The following SPECC1L variants were observed in gnomAD, a reference collection of about 807,000 sequenced individuals.
The protein encoded by SPECC1L is sperm antigen with calponin homology and coiled-coil domains 1 like.
Under a neutral mutation model 116.8 loss-of-function variants are expected in SPECC1L, and 40 were observed. The observed-to-expected ratio is 0.34, with a 90% CI of 0.27 to 0.45. The LOEUF (loss-of-function observed/expected upper bound fraction) is 0.45. SPECC1L is among the 20% of genes least tolerant of loss of function. SPECC1L has a pLI of 1.00. For synonymous variants in SPECC1L, 504 were observed against 500.6 expected, an observed-to-expected ratio of 1.01 and a Z score of -0.09; for missense variants, 1,110 against 1,373.6, an observed-to-expected ratio of 0.81 and a Z score of 3.03.
At chr22:24,332,355 GAACC>G (rs1001032315) in intron 8 of SPECC1L, among the ~76,000 whole-genome samples, 5 of 152,294 alleles carry the variant, frequency 3.3e-5, no homozygotes, top group Admixed American at 6.5e-5. Flanking sequence ...CTAATTCAGT[GAACC>G]AGTATTTTCC....
intron 4 of SPECC1L, among the ~76,000 whole-genome samples, chr22:24,315,590 G>A (rs2040546530): frequency 6.6e-6 from 1 of 152,250 alleles, no homozygotes. Flanking sequence ...CCTGCCTTTA[G>A]AATTGTACTG....
chr22:24,377,739 C>A (rs961665613), intron 14 of SPECC1L, among the ~76,000 whole-genome samples: 2 of 152,140 alleles, frequency 1.3e-5, no homozygotes, highest in African/African-American at 4.8e-5. Context: ...TCCTGGCTGA[C>A]TGGTTACATT....
chr22:24,415,970 A>C lies in SPECC1L; in HGVS notation c.*1347A>C, dbSNP rs2042793954. Reference sequence around the variant, plus strand: ...TCCAGACAAGACCTGTACCTTTGAGAATATAACTGTGTTTGGCACCTGCAT... The same window carrying C: ...TCCAGACAAGACCTGTACCTTTGAGCATATAACTGTGTTTGGCACCTGCAT... On this transcript the variant is annotated 3_prime_UTR_variant, in exon 17 of 17. Coordinates refer to ENST00000314328, the MANE Select transcript of SPECC1L (RefSeq NM_015330.6). The C allele has an allele frequency of 6.6e-6, 1 of 152,214 alleles. No individual in the cohort carries two copies. Among genetic ancestry groups the C allele is most frequent in the Non-Finnish European group, 1.5e-5 (1 of 68,030 alleles). 9.4% of individuals were successfully genotyped at this position (152,214 alleles called of 1,614,324 possible).
chr22:24,306,027 T>A (rs1381074052), intron 3 of SPECC1L, among the ~76,000 whole-genome samples: 2 of 151,978 alleles, frequency 1.3e-5, no homozygotes, highest in Admixed American at 6.6e-5. Context: ...TGCCTCAGCC[T>A]CCCGAGTAGC....
At chr22:24,300,043 A>G (rs1313593197) in intron 2 of SPECC1L, among the ~76,000 whole-genome samples, 1 of 152,180 alleles carries the variant, frequency 6.6e-6, no homozygotes, top group East Asian at 1.9e-4. Context: ...AACAAGATAC[A>G]TGTGCAGAAC....
Position 24,334,321 on chromosome 22 carries a change from A to T in SPECC1L, c.2397-89A>T, listed in dbSNP as rs562837315. 4 of 1,409,712 alleles carry T rather than the reference A, an allele frequency of 2.8e-6. No individual in the cohort carries two copies. The African/African-American group carries it at 5.6e-5, about 20-fold the overall frequency. 87.3% of individuals were successfully genotyped at this position (1,409,712 alleles called of 1,614,324 possible). On this transcript the variant is annotated intron_variant, in intron 8 of 16. Transcript: ENST00000314328. Reference sequence around the variant, plus strand: ...GCCACCGTGCCCGGCCATTAAACTGATAGTTTTTAATGCCTTTCAGCTGGG... The same window carrying T: ...GCCACCGTGCCCGGCCATTAAACTGTTAGTTTTTAATGCCTTTCAGCTGGG...
rs56978503 is a variant in SPECC1L at position 24,279,570 on chromosome 22, A to AATTATTATTATT, written c.-38+2774_-38+2785dup. Among the ~76,000 whole-genome samples the AATTATTATTATT allele has an allele frequency of 8.8e-3, 1,320 of 150,540 alleles. 7 individuals carry two copies. Among genetic ancestry groups the AATTATTATTATT allele is most frequent in the South Asian group, 0.012 (59 of 4,774 alleles). ...TTAGAAATGTACATTTTATTTTTTT[A>AATTATTATTATT]ATTATTATTATTATTATTTATTATT... On this transcript the variant is annotated intron_variant, in intron 2 of 16. Transcript: ENST00000314328.
chr22:24,343,991 A>G (rs555328580), intron 10 of SPECC1L, among the ~76,000 whole-genome samples: 1 of 152,122 alleles, frequency 6.6e-6, no homozygotes, highest in South Asian at 2.1e-4. Flanking sequence ...CACATAGAAA[A>G]CTCCAGGCCC....
chr22:24,355,234 G>A (rs1190302551), intron 11 of SPECC1L, among the ~76,000 whole-genome samples: 1 of 137,646 alleles, frequency 7.3e-6, no homozygotes, highest in African/African-American at 2.7e-5. Context: ...AATGAGCCAG[G>A]ATCGTGCCAC....
At chr22:24,357,454 C>T (rs1453050432) in intron 11 of SPECC1L, among the ~76,000 whole-genome samples, 1 of 152,132 alleles carries the variant, frequency 6.6e-6, no homozygotes, top group Non-Finnish European at 1.5e-5. Context: ...TAGATAGTTC[C>T]AACATCCGTA....
Position 24,403,638 on chromosome 22 carries a change from G to A in SPECC1L, c.3088-7950G>A, listed in dbSNP as rs543393128. ...TCCAGCCCCTCCGCTCTTCAGCAAA[G>A]TGTAAATGGCCTTCCCTCAGAGGGA... On this transcript the variant is annotated intron_variant, in intron 14 of 16. Transcript: ENST00000314328. Among the ~76,000 whole-genome samples the A allele has an allele frequency of 3.9e-5, 6 of 152,324 alleles. No individual in the cohort carries two copies. The South Asian group carries it at 1.2e-3, about 32-fold the overall frequency.
intron 10 of SPECC1L, among the ~76,000 whole-genome samples, chr22:24,346,704 T>C (rs1351056941): frequency 6.6e-6 from 1 of 152,162 alleles, no homozygotes; most frequent in African/African-American, 2.4e-5. Context: ...GTTCTTTATC[T>C]TGACTGTATC....
chr22:24,413,404 C>T (rs5760403), intron 16 of SPECC1L, among the ~76,000 whole-genome samples: 3,794 of 152,280 alleles, frequency 0.025, 154 homozygotes, highest in South Asian at 0.12. Context: ...CACAGACCAT[C>T]GGGATTTTCA....
chr22:24,302,096 T>C, intron 2 of SPECC1L, 99 bp from the exon 3 acceptor site: 1 of 972,630 alleles, frequency 1.0e-6, no homozygotes, highest in Non-Finnish European at 1.6e-6. Flanking sequence ...CATCTAGCTT[T>C]CAAACAGTTT....
chr22:24,302,510 TGAAGAGA>T (rs1569411875), intron 3 of SPECC1L, 126 bp downstream of exon 3: 4 of 1,249,990 alleles, frequency 3.2e-6, no homozygotes, highest in Non-Finnish European at 4.7e-6. Context: ...ACTTGGCCTT[TGAAGAGA>T]GCTTACAGTG....
At chr22:24,397,846 C>A (rs188455290) in intron 14 of SPECC1L, among the ~76,000 whole-genome samples, 1 of 152,022 alleles carries the variant, frequency 6.6e-6, no homozygotes, top group Non-Finnish European at 1.5e-5. Flanking sequence ...TTTTCTTACA[C>A]CAGTATGTTA....
chr22:24,279,403 TTTTAA>T (rs2048898636), intron 2 of SPECC1L, among the ~76,000 whole-genome samples: 1 of 152,200 alleles, frequency 6.6e-6, no homozygotes, highest in South Asian at 2.1e-4. Flanking sequence ...TTTTATTTTA[TTTTAA>T]TTTAGAGACA....
intron 4 of SPECC1L, among the ~76,000 whole-genome samples, chr22:24,317,122 G>C (rs1306139822): frequency 1.7e-5 from 2 of 114,878 alleles, no homozygotes; most frequent in Admixed American, 8.8e-5. Context: ...GGGGCGGCTG[G>C]CTGGGCGGGG....
chr22:24,327,277 C>CAAAAAAAAAAA (rs58725731), intron 6 of SPECC1L, among the ~76,000 whole-genome samples: 5 of 41,974 alleles, frequency 1.2e-4, no homozygotes, highest in South Asian at 9.5e-4. Flanking sequence ...GACTCCGTCT[C>CAAAAAAAAAAA]AAAAAAAAAA....
Sources: gnomAD v4.1 joint callset for allele counts (sites outside exome capture counted in the v4.1 genomes callset) on GRCh38, gnomAD v4.1.1 for gene constraint, MANE v1.5 for transcripts, NCBI Gene and HGNC (gene_info 2026-07-23, HGNC 2026-07-21) for gene names.